Variants in PIK3C2G observed in about 807,000 individuals in gnomAD.
The protein encoded by PIK3C2G is phosphatidylinositol-4-phosphate 3-kinase catalytic subunit type 2 gamma, also known as phosphatidylinositol 3-kinase C2 domain-containing subunit gamma.
A neutral mutation model predicts 181.1 loss-of-function variants in PIK3C2G; 168 were observed. The ratio of observed to expected loss-of-function variants is 0.93; its 90% CI spans 0.82 to 1.05. The LOEUF (loss-of-function observed/expected upper bound fraction) is 1.05, where lower values mean the gene tolerates loss of function less well. Ranked by LOEUF, PIK3C2G falls within the 50% of genes least tolerant of loss-of-function variation. PIK3C2G has a pLI of 0.00. For synonymous variants in PIK3C2G, 573 were observed against 592.2 expected (o/e 0.97, Z 0.47); for missense variants, 1,869 against 1,732.8 (o/e 1.08, Z -1.40).
intron 18 of PIK3C2G, among the ~76,000 whole-genome samples, chr12:18,428,618 A>G (rs1945974208): frequency 6.6e-6 from 1 of 152,164 alleles, no homozygotes; most frequent in Admixed American, 6.5e-5. Flanking sequence ...GCTATGAATA[A>G]GTAAGATTGG....
intron 1 of PIK3C2G, among the ~76,000 whole-genome samples, chr12:18,267,754 G>A (rs1395805930): frequency 6.6e-6 from 1 of 152,152 alleles, no homozygotes; most frequent in African/African-American, 2.4e-5. Flanking sequence ...ATTTTGAGAA[G>A]GTATACGTAT....
intron 8 of PIK3C2G, among the ~76,000 whole-genome samples, chr12:18,337,022 A>T (rs1269583097): frequency 1.3e-5 from 2 of 152,176 alleles, no homozygotes; most frequent in East Asian, 3.9e-4. Context: ...TCTTTGTGTG[A>T]AAATAAAAGG....
chr12:18,688,201 C>G, the PIK3C2G span: 1 of 1,609,574 alleles, frequency 6.2e-7, no homozygotes. Context: ...TAAGAGGCAA[C>G]TGGATACCAC....
chr12:18,431,760 A>G (rs1322647811), intron 18 of PIK3C2G, among the ~76,000 whole-genome samples: 1 of 152,226 alleles, frequency 6.6e-6, no homozygotes, highest in Non-Finnish European at 1.5e-5. Context: ...TTACAATGTA[A>G]TAAATGATGA....
intron 6 of PIK3C2G, among the ~76,000 whole-genome samples, chr12:18,320,518 G>A (rs1051674558): frequency 1.3e-5 from 2 of 152,180 alleles, no homozygotes; most frequent in Admixed American, 1.3e-4. Flanking sequence ...ACATTTTGGC[G>A]GCAAGATGTG....
intron 16 of PIK3C2G, among the ~76,000 whole-genome samples, chr12:18,413,286 C>A (rs1220141295): frequency 6.6e-6 from 1 of 152,040 alleles, no homozygotes; most frequent in African/African-American, 2.4e-5. Context: ...AACAGAGAGA[C>A]AGAGTGATTT....
the PIK3C2G span, among the ~76,000 whole-genome samples, chr12:18,708,137 T>C: frequency 6.6e-6 from 1 of 152,170 alleles, no homozygotes; most frequent in South Asian, 2.1e-4. Flanking sequence ...ATGTGCTACT[T>C]TGTAGCCTCT....
the PIK3C2G span, among the ~76,000 whole-genome samples, chr12:18,700,512 C>CAAAAATAA: frequency 1.5e-5 from 1 of 67,896 alleles, no homozygotes; most frequent in Non-Finnish European, 2.5e-5. Context: ...AGCCAACGTA[C>CAAAAATAA]AAAAAAAAAA....
At chr12:18,298,736 T>C (rs1950053743) in intron 5 of PIK3C2G, among the ~76,000 whole-genome samples, 2 of 151,902 alleles carry the variant, frequency 1.3e-5, no homozygotes, top group South Asian at 2.1e-4. Flanking sequence ...CAGTGAGAGA[T>C]AGGAGTCTAG....
chr12:18,683,206 C>T, the PIK3C2G span: 7 of 1,570,148 alleles, frequency 4.5e-6, no homozygotes. Context: ...TATTGCGATG[C>T]ATAGCTAATG....
intron 10 of PIK3C2G, among the ~76,000 whole-genome samples, chr12:18,344,374 C>A (rs964882603): frequency 1.3e-5 from 2 of 152,024 alleles, no homozygotes; most frequent in African/African-American, 4.8e-5. Context: ...CGTCTCACAT[C>A]AAAAAGGAAA....
chr12:18,543,077 G>C (rs986152376), intron 25 of PIK3C2G, among the ~76,000 whole-genome samples: 1 of 151,902 alleles, frequency 6.6e-6, no homozygotes, highest in Non-Finnish European at 1.5e-5. Flanking sequence ...TTTAGTAATA[G>C]CCATTCTGAC....
At chr12:18,321,898 A>G (rs1379908779) in intron 7 of PIK3C2G, among the ~76,000 whole-genome samples, 1 of 152,148 alleles carries the variant, frequency 6.6e-6, no homozygotes, top group East Asian at 1.9e-4. Flanking sequence ...ATGAGAACAC[A>G]TGGACACAGG....
rs1287052635 is a variant in PIK3C2G at position 18,338,461 on chromosome 12, A to C, written c.1308A>C (p.Lys436Asn). The change falls in exon 9 of 33, where the codon AAA (lysine) becomes AAC (asparagine). Residue 436 changes from lysine to asparagine, a missense_variant. Transcript: ENST00000538779. Reference sequence around the variant, plus strand: ...ATAATATTATTGAAGAAGTTAAAAAAATATGCAGTGTTCTAGGGTGTGTGG... The same window carrying C: ...ATAATATTATTGAAGAAGTTAAAAACATATGCAGTGTTCTAGGGTGTGTGG... ...NVYNIIEEVK[K>N]ICSVLGCVET... The C allele has an allele frequency of 2.5e-6, 4 of 1,577,166 alleles. No individual in the cohort carries two copies. The African/African-American group carries it at 5.4e-5, about 21-fold the overall frequency.
intron 18 of PIK3C2G, among the ~76,000 whole-genome samples, chr12:18,451,293 T>C (rs192983041): frequency 0.011 from 1,686 of 152,314 alleles, 13 homozygotes; most frequent in Non-Finnish European, 0.016. Flanking sequence ...GTCCTTCACA[T>C]CCCTTGTAAG....
chr12:18,701,481 T>C, the PIK3C2G span: 1 of 1,614,030 alleles, frequency 6.2e-7, no homozygotes. Flanking sequence ...TTGTAAGATT[T>C]TCACAAAACA....
At chr12:18,281,822 C>T (rs1266720958) in intron 1 of PIK3C2G, among the ~76,000 whole-genome samples, 182 bp from the exon 2 acceptor site, 3 of 151,992 alleles carry the variant, frequency 2.0e-5, no homozygotes, top group African/African-American at 7.2e-5. Context: ...AAAGTCAATA[C>T]TTTCCTTTCA....
rs1437278174 is a variant in PIK3C2G at position 18,312,065 on chromosome 12, C to CA, written c.1035-1896dup. On this transcript the variant is annotated intron_variant, in intron 5 of 32. Coordinates refer to ENST00000538779, the MANE Select transcript of PIK3C2G (RefSeq NM_001288772.2). Reference sequence around the variant, plus strand: ...TTTCTCTGCCTGCTTTTATTCTAGCCATGCTGGCAGCTGTTTAGATTGTGC... The same window carrying CA: ...TTTCTCTGCCTGCTTTTATTCTAGCCAATGCTGGCAGCTGTTTAGATTGTGC... Among the ~76,000 whole-genome samples the CA allele has an allele frequency of 2.0e-5, 3 of 152,244 alleles. No homozygotes were observed. In the South Asian group the frequency reaches 6.2e-4, roughly 32 times the overall value.
rs2137460919 is a variant in PIK3C2G at position 18,320,974 on chromosome 12, C to G, written c.1150C>G (p.His384Asp). Residue 384 changes from histidine to aspartate, a missense_variant, in exon 7 of 33, where the codon CAC becomes GAC. His to Asp is a moderately conservative substitution (Grantham distance 81). Transcript: ENST00000538779. Reference sequence around the variant, plus strand: ...CTGCTGTCTACAGCATGAAGAGGACCACAGTCAGTTTTATCTGAATCAACT... The same window carrying G: ...CTGCTGTCTACAGCATGAAGAGGACGACAGTCAGTTTTATCTGAATCAACT... The part of the protein sequence containing the change: ...GKLSRKHEED[H>D]SQFYLNQLLE... 1.9e-6 allele frequency: 3 copies of G among 1,563,276 alleles called. No homozygotes were observed. In the East Asian group the frequency reaches 6.7e-5, roughly 35 times the overall value.
Sources: gnomAD v4.1 joint callset for allele counts (sites outside exome capture counted in the v4.1 genomes callset) on GRCh38, gnomAD v4.1.1 for gene constraint, MANE v1.5 for transcripts, NCBI Gene and HGNC (gene_info 2026-07-23, HGNC 2026-07-21) for gene names.